Variants in DSCAM observed in about 807,000 individuals in gnomAD.
DSCAM encodes the protein cell adhesion molecule DSCAM.
DSCAM carries 47 observed loss-of-function variants against 217.7 expected under a neutral mutation model. The ratio of observed to expected loss-of-function variants is 0.22; its 90% CI spans 0.17 to 0.28. The LOEUF (loss-of-function observed/expected upper bound fraction) is 0.28. Among genes scored for constraint, DSCAM ranks in the 10% least tolerant of loss-of-function variants. The pLI, the probability that DSCAM is intolerant of heterozygous loss-of-function variation, is 1.00. For synonymous variants in DSCAM, 1,056 were observed against 1,015.3 expected (o/e 1.04, Z -0.76); for missense variants, 2,080 against 2,618.3 (o/e 0.79, Z 4.49).
chr21:40,587,080 G>A (rs1299957728), intron 3 of DSCAM, among the ~76,000 whole-genome samples: 1 of 136,478 alleles, frequency 7.3e-6, no homozygotes, highest in African/African-American at 2.6e-5. Flanking sequence ...ATAATCTTGT[G>A]ATCAACAAAC....
intron 3 of DSCAM, among the ~76,000 whole-genome samples, chr21:40,525,405 G>C (rs2076392941): frequency 1.3e-5 from 2 of 152,298 alleles, no homozygotes; most frequent in South Asian, 4.1e-4. Flanking sequence ...GGGACCAAAA[G>C]AGTGTGTGTG....
chr21:40,313,781 G>A (rs1244791414), intron 8 of DSCAM, among the ~76,000 whole-genome samples: 1 of 151,702 alleles, frequency 6.6e-6, no homozygotes. Flanking sequence ...ATACATTCTT[G>A]GAAAGAAAAA....
intron 3 of DSCAM, among the ~76,000 whole-genome samples, chr21:40,502,974 G>T (rs1290628662): frequency 6.6e-6 from 1 of 152,086 alleles, no homozygotes; most frequent in Non-Finnish European, 1.5e-5. Context: ...GTTTGCCAGA[G>T]AGCTCTACGG....
chr21:40,504,674 G>A (rs2076196557), intron 3 of DSCAM, among the ~76,000 whole-genome samples: 1 of 152,126 alleles, frequency 6.6e-6, no homozygotes, highest in African/African-American at 2.4e-5. Flanking sequence ...TGCAACTTCT[G>A]GGGCCGCTAT....
At chr21:40,259,759 T>C (rs1218279643) in intron 11 of DSCAM, among the ~76,000 whole-genome samples, 2 of 141,478 alleles carry the variant, frequency 1.4e-5, no homozygotes, top group South Asian at 2.5e-4. Context: ...CTGTAAGCTC[T>C]GCCTCCCAGG....
intron 3 of DSCAM, among the ~76,000 whole-genome samples, chr21:40,664,855 TG>T (rs2090182589): frequency 6.6e-6 from 1 of 152,154 alleles, no homozygotes. Flanking sequence ...GTGTTGGAGG[TG>T]GGGTCTGGTG....
At chr21:40,344,062 C>A (rs905693308) in intron 6 of DSCAM, among the ~76,000 whole-genome samples, 2 of 151,970 alleles carry the variant, frequency 1.3e-5, no homozygotes, top group Non-Finnish European at 2.9e-5. Context: ...CCACACCTGG[C>A]TAGTTTTTGT....
chr21:40,051,946 T>C lies in DSCAM; in HGVS notation c.5185+12A>G, dbSNP rs749836667. On this transcript the variant is annotated intron_variant, in intron 30 of 32. Coordinates refer to ENST00000400454, the MANE Select transcript of DSCAM (RefSeq NM_001389.5). ...TAACACCCACACATTTTAAGCATTG[T>C]TGACCACTCACTCGTTCCCGGCCGA... is the stretch of plus-strand genomic sequence containing the variant. 9 of 1,608,042 alleles carry C rather than the reference T, an allele frequency of 5.6e-6. No individual in the cohort carries two copies. The South Asian group carries it at 8.9e-5, about 16-fold the overall frequency.
intron 20 of DSCAM, among the ~76,000 whole-genome samples, chr21:40,095,426 T>C (rs2089663614): frequency 6.6e-6 from 1 of 152,190 alleles, no homozygotes; most frequent in African/African-American, 2.4e-5. Context: ...AACATTATGC[T>C]AAGTGAAAGG....
intron 3 of DSCAM, among the ~76,000 whole-genome samples, chr21:40,544,456 A>G (rs1220495206): frequency 6.6e-6 from 1 of 152,192 alleles, no homozygotes; most frequent in Non-Finnish European, 1.5e-5. Flanking sequence ...GGTGAGCCCT[A>G]AACCCAATAA....
At chr21:40,719,536 A>C (rs918717497) in intron 1 of DSCAM, among the ~76,000 whole-genome samples, 1 of 152,254 alleles carries the variant, frequency 6.6e-6, no homozygotes, top group Non-Finnish European at 1.5e-5. Context: ...TAACAGTCAC[A>C]AACTGAAAAC....
intron 2 of DSCAM, among the ~76,000 whole-genome samples, chr21:40,695,239 G>A (rs1290037305): frequency 2.6e-5 from 4 of 152,234 alleles, no homozygotes; most frequent in South Asian, 2.1e-4. Flanking sequence ...CGGGAGACAC[G>A]GGAAATGCCT....
chr21:40,139,699 T>C (rs1456898483), intron 18 of DSCAM, among the ~76,000 whole-genome samples: 1 of 151,812 alleles, frequency 6.6e-6, no homozygotes, highest in Non-Finnish European at 1.5e-5. Context: ...GGAGTGTGTG[T>C]CATGTGGTGG....
chr21:40,110,840 T>C (rs1297236298), intron 20 of DSCAM, among the ~76,000 whole-genome samples: 2 of 151,866 alleles, frequency 1.3e-5, no homozygotes, highest in Non-Finnish European at 2.9e-5. Flanking sequence ...ATGAATGAAA[T>C]GAAGTGAGAA....
chr21:40,308,963 A>T (rs2074109352), intron 9 of DSCAM, among the ~76,000 whole-genome samples: 1 of 152,190 alleles, frequency 6.6e-6, no homozygotes, highest in Non-Finnish European at 1.5e-5. Flanking sequence ...GCACTGGTAC[A>T]AAGAATTCTG....
intron 8 of DSCAM, among the ~76,000 whole-genome samples, chr21:40,324,077 T>C (rs1331978576): frequency 9.1e-6 from 1 of 110,156 alleles, no homozygotes; most frequent in African/African-American, 3.6e-5. Flanking sequence ...CACTCCAGCC[T>C]GGGCAACAAG....
At chr21:40,833,531 A>G (rs1462856884) in intron 1 of DSCAM, among the ~76,000 whole-genome samples, 1 of 152,192 alleles carries the variant, frequency 6.6e-6, no homozygotes, top group Non-Finnish European at 1.5e-5. Context: ...TAATTAGCAT[A>G]ATTGCTTGAG....
intron 3 of DSCAM, among the ~76,000 whole-genome samples, chr21:40,484,401 T>C (rs569811915): frequency 6.6e-6 from 1 of 152,340 alleles, no homozygotes; most frequent in African/African-American, 2.4e-5. Flanking sequence ...TTCCTGTCCA[T>C]AGCAAGGCAA....
intron 11 of DSCAM, among the ~76,000 whole-genome samples, chr21:40,204,603 C>G (rs767642371): frequency 6.6e-6 from 1 of 152,058 alleles, no homozygotes; most frequent in African/African-American, 2.4e-5. Flanking sequence ...TATGGAGATA[C>G]AAAATAACAC....
Sources: allele counts gnomAD v4.1 joint callset (sites outside exome capture counted in the v4.1 genomes callset), GRCh38; gene constraint gnomAD v4.1.1; transcripts MANE v1.5; gene names NCBI Gene and HGNC (gene_info 2026-07-23, HGNC 2026-07-21).